The following SFXN2 variants were observed in gnomAD, a reference collection of about 807,000 sequenced individuals.
The protein encoded by SFXN2 is sideroflexin 2, also known as sideroflexin-2.
In SFXN2, 37 loss-of-function variants were observed where a neutral mutation model predicts 41.9. The observed-to-expected ratio is 0.88, with a 90% CI of 0.68 to 1.16. The LOEUF (loss-of-function observed/expected upper bound fraction) is 1.16, where lower values mean the gene tolerates loss of function less well. SFXN2 is among the 50% of genes most tolerant of loss of function. SFXN2 has a pLI of 0.00. For missense variants in SFXN2, 386 were observed against 425.2 expected, an observed-to-expected ratio of 0.91 and a Z score of 0.81; for synonymous variants, 150 against 156.7, an observed-to-expected ratio of 0.96 and a Z score of 0.32.
chr10:102,729,919 G>A, intron 6 of SFXN2, 111 bp downstream of exon 6: 7 of 1,163,806 alleles, frequency 6.0e-6, no homozygotes, highest in Non-Finnish European at 8.6e-6. Context: ...GGGGAGGGCT[G>A]CTGGGCTGAG....
chr10:102,728,319 C>A (rs1196453857), intron 3 of SFXN2, 112 bp from the exon 4 acceptor site: 10 of 812,390 alleles, frequency 1.2e-5, no homozygotes, highest in Non-Finnish European at 2.1e-6. Flanking sequence ...AAATAAAAAA[C>A]TAGTATGGGA....
At chr10:102,735,115 C>T (rs1465574188) in intron 10 of SFXN2, among the ~76,000 whole-genome samples, 2 of 149,526 alleles carry the variant, frequency 1.3e-5, no homozygotes, top group Non-Finnish European at 3.0e-5. Flanking sequence ...GTCACTCCTC[C>T]CGATACAAGT....
At chr10:102,724,529 C>G (rs572321501) in intron 1 of SFXN2, among the ~76,000 whole-genome samples, 1 of 152,052 alleles carries the variant, frequency 6.6e-6, no homozygotes, top group Non-Finnish European at 1.5e-5. Context: ...TGGTGAAACC[C>G]CATCTCTACT....
chr10:102,735,799 A>G (rs1209839505), intron 10 of SFXN2, 63 bp from the exon 11 acceptor site: 1 of 1,556,890 alleles, frequency 6.4e-7, no homozygotes, highest in Non-Finnish European at 8.9e-7. Flanking sequence ...TCCCTTGGGG[A>G]TGGGGGATGG....
intron 3 of SFXN2, 49 bp from the exon 4 acceptor site, chr10:102,728,382 C>A (rs778243730): frequency 1.3e-6 from 2 of 1,482,578 alleles, no homozygotes; most frequent in African/African-American, 2.8e-5. Context: ...CCTCAGGACT[C>A]CCTGCCATCT....
chr10:102,726,562 G>T, intron 1 of SFXN2, 50 bp from the exon 2 acceptor site: 1 of 1,579,664 alleles, frequency 6.3e-7, no homozygotes, highest in Non-Finnish European at 8.6e-7. Context: ...CAGGTCCTCT[G>T]TGGTGGGCTT....
At chr10:102,722,008 T>C (rs890860057) in intron 1 of SFXN2, among the ~76,000 whole-genome samples, 15 of 152,202 alleles carry the variant, frequency 9.9e-5, no homozygotes, top group Non-Finnish European at 1.9e-4. Flanking sequence ...TCTTCTTGCC[T>C]GGATTACTGG....
rs11298009 is a variant in SFXN2, at chr10:102,736,253, C to CT, written c.869+356dup. On this transcript the variant is annotated intron_variant, in intron 11 of 11. Transcript: ENST00000369893. ...TCCTCTGGCTGGATCTGGTTTTTAA[C>CT]TTTTTTTTTTTTCTTTTTTTTGAGA... is the stretch of plus-strand genomic sequence containing the variant. Among the ~76,000 whole-genome samples, 104 of 149,058 alleles carry CT rather than the reference C, an allele frequency of 7.0e-4. No homozygotes were observed. In the East Asian group the frequency reaches 0.017, roughly 24 times the overall value.
Position 102,726,996 on chromosome 10 carries a change from T to C in SFXN2, c.171T>C (p.Val57=). The C allele has an allele frequency of 6.3e-7, 1 of 1,597,864 alleles. No individual in the cohort carries two copies. Among genetic ancestry groups the C allele is most frequent in the Non-Finnish European group, 8.6e-7 (1 of 1,167,132 alleles). Residue 57 remains valine (V), a synonymous_variant, in exon 3 of 12, where the codon GTT becomes GTC. Transcript: ENST00000369893. ...KVMVEKSRMG[V]VPPGTQVEQL... ...TGTCCTTGGGTGGCAGGATGGGGGT[T>C]GTGCCCCCAGGCACCCAAGTGGAGC...
Position 102,741,839 on chromosome 10 carries a change from A to G in SFXN2, c.*4077A>G, listed in dbSNP as rs1349626526. 1 of 152,240 alleles carries G rather than the reference A, an allele frequency of 6.6e-6. No individual in the cohort carries two copies. The highest frequency in any genetic ancestry group is 1.5e-5 in the Non-Finnish European group (1 of 68,040). 9.4% of individuals were successfully genotyped at this position (152,240 alleles called of 1,614,324 possible). On this transcript the variant is annotated 3_prime_UTR_variant, in exon 12 of 12. Coordinates refer to ENST00000369893, the MANE Select transcript of SFXN2 (RefSeq NM_178858.6). The stretch of plus-strand genomic sequence containing the variant: ...GTACTCAATTTTTACTTCTCCTCTA[A>G]GGAGCTTGACTTGTGGAATGGATAA...
At position 102,728,491 on chromosome 10, in the gene SFXN2, C is replaced by G. The variant is rs2064645206; in HGVS notation, c.393C>G (p.Asn131Lys). 2 of 1,613,920 alleles carry G rather than the reference C, an allele frequency of 1.2e-6. No homozygotes were observed. The highest frequency in any genetic ancestry group is 2.2e-5 in the South Asian group (2 of 91,074). Reference sequence around the variant, plus strand: ...ACCAGTCCTTCAATGCCTTAGTCAACTACACCAACAGGAATGCGGCTTCCC... The same window carrying G: ...ACCAGTCCTTCAATGCCTTAGTCAAGTACACCAACAGGAATGCGGCTTCCC... The part of the protein sequence containing the change: ...WVNQSFNALV[N>K]YTNRNAASPT... The change falls in exon 4 of 12, where the codon AAC becomes AAG. Residue 131 changes from asparagine (N) to lysine (K), a missense_variant. Transcript: ENST00000369893.
intron 1 of SFXN2, among the ~76,000 whole-genome samples, chr10:102,725,631 A>G (rs2136040667): frequency 6.6e-6 from 1 of 152,204 alleles, no homozygotes; most frequent in East Asian, 1.9e-4. Context: ...GGCAGCTCAC[A>G]CCTGTAATCC....
chr10:102,733,234 G>A lies in SFXN2; in HGVS notation c.772-320G>A, dbSNP rs185526120. 1.2e-3 allele frequency among the ~76,000 whole-genome samples: 183 copies of A among 152,284 alleles called. 1 individual carries two copies. Among genetic ancestry groups the A allele is most frequent in the African/African-American group, 4.2e-3 (175 of 41,546 alleles). On this transcript the variant is annotated intron_variant, in intron 9 of 11. Coordinates refer to ENST00000369893, the MANE Select transcript of SFXN2 (RefSeq NM_178858.6). The stretch of plus-strand genomic sequence containing the variant: ...GCGATCTTGGCTCACTGCAAGCTCC[G>A]CTTCCTGGGTTCATGCCATTCTCCT...
At chr10:102,719,091 T>G (rs1210551977) in intron 1 of SFXN2, among the ~76,000 whole-genome samples, 2 of 145,532 alleles carry the variant, frequency 1.4e-5, no homozygotes, top group Non-Finnish European at 3.0e-5. Context: ...GCCCGGCTAA[T>G]TTTTTGTATT....
Position 102,740,083 on chromosome 10 carries a change from G to A in SFXN2, c.*2321G>A, listed in dbSNP as rs899093132. 2 of 152,238 alleles carry A rather than the reference G, an allele frequency of 1.3e-5. No individual in the cohort carries two copies. The highest frequency in any genetic ancestry group is 2.4e-5 in the African/African-American group (1 of 41,546). 9.4% of individuals were successfully genotyped at this position (152,238 alleles called of 1,614,324 possible). A position where few individuals can be genotyped will look rare whatever the true frequency, so the allele number is the denominator to read the frequency against. ...CATACGTGGAGGAGCACTGCTCTAA[G>A]GGGAAAGGGCCTCCTCCCCGAGGCC... On this transcript the variant is annotated 3_prime_UTR_variant, in exon 12 of 12. Transcript: ENST00000369893.
intron 1 of SFXN2, among the ~76,000 whole-genome samples, chr10:102,724,451 C>T (rs909053124): frequency 1.3e-5 from 2 of 152,196 alleles, no homozygotes; most frequent in African/African-American, 2.4e-5. Flanking sequence ...CGCCTGTAAT[C>T]CCAGCACTTT....
chr10:102,717,864 C>T (rs1309110572), intron 1 of SFXN2: 3 of 896,818 alleles, frequency 3.3e-6, no homozygotes, highest in South Asian at 5.1e-5. Context: ...GTGAGCCTTA[C>T]AGTCTGTCAG....
chr10:102,720,291 CAAAAAA>C (rs56006729), intron 1 of SFXN2, among the ~76,000 whole-genome samples: 6 of 48,788 alleles, frequency 1.2e-4, no homozygotes, highest in Non-Finnish European at 2.0e-4. Context: ...GACTCCCTCT[CAAAAAA>C]AAAAAAAAAA....
rs531119239 is a variant in SFXN2 at position 102,741,644 on chromosome 10, A to G, written c.*3882A>G. On this transcript the variant is annotated 3_prime_UTR_variant, in exon 12 of 12. Transcript: ENST00000369893. The stretch of plus-strand genomic sequence containing the variant: ...GGTCTTGAACCCCTGACCTCAAGCA[A>G]TCCTCATGCCTTGGCCTCCCAAAGT... The G allele has an allele frequency of 6.6e-6, 1 of 152,342 alleles. No homozygotes were observed. The highest frequency in any genetic ancestry group is 2.1e-4 in the South Asian group (1 of 4,828). The allele number at this position is 152,342 out of a possible 1,614,324, so 9.4% of individuals were successfully genotyped here. A position where few individuals can be genotyped will look rare whatever the true frequency, so the allele number is the denominator to read the frequency against.
Sources: gnomAD v4.1 joint callset for allele counts (sites outside exome capture counted in the v4.1 genomes callset) on GRCh38, gnomAD v4.1.1 for gene constraint, MANE v1.5 for transcripts, NCBI Gene and HGNC (gene_info 2026-07-23, HGNC 2026-07-21) for gene names.